The following GALNT18 variants were observed in gnomAD, a reference collection of about 807,000 sequenced individuals.
The protein encoded by GALNT18 is GalNAc-transferase 18.
GALNT18 carries 44 observed loss-of-function variants against 69.5 expected under a neutral mutation model. The observed-to-expected ratio is 0.63, with a 90% CI of 0.50 to 0.81. The LOEUF is 0.81. Ranked by LOEUF, GALNT18 falls within the 40% of genes least tolerant of loss-of-function variation. The pLI is 0.00. For synonymous variants in GALNT18, 364 were observed against 318.2 expected (o/e 1.14, Z -1.53); for missense variants, 715 against 810.0 (o/e 0.88, Z 1.42).
At chr11:11,440,775 A>G (rs1855517222) in intron 2 of GALNT18, among the ~76,000 whole-genome samples, 2 of 152,224 alleles carry the variant, frequency 1.3e-5, no homozygotes, top group South Asian at 2.1e-4. Flanking sequence ...AGACCCAGAC[A>G]ATAAAAGTGA....
At chr11:11,311,040 C>G (rs1289439577) in intron 9 of GALNT18, among the ~76,000 whole-genome samples, 1 of 152,156 alleles carries the variant, frequency 6.6e-6, no homozygotes, top group Non-Finnish European at 1.5e-5. Context: ...ACCACCTCCT[C>G]CAGAGGCCTT....
intron 1 of GALNT18, among the ~76,000 whole-genome samples, chr11:11,477,953 C>G (rs7128793): frequency 0.019 from 2,897 of 152,278 alleles, 83 homozygotes; most frequent in African/African-American, 0.062. Flanking sequence ...GAACTGATCC[C>G]TTTGGGACAT....
rs548047559 is a variant in GALNT18 at position 11,613,077 on chromosome 11, G to A, written c.235+8282C>T. On this transcript the variant is annotated intron_variant, in intron 1 of 10. Coordinates refer to ENST00000227756, the MANE Select transcript of GALNT18 (RefSeq NM_198516.3). This position sits in a 1 kb window ranked among gnomAD's most constrained non-coding sequence, Gnocchi z 4.2. ...AACCTTCCAAAAACTGAAATTGAAT[G>A]TCAGGCAGTGAAAGAGAACTACATC... 2.0e-5 allele frequency among the ~76,000 whole-genome samples: 3 copies of A among 152,300 alleles called. No individual in the cohort carries two copies. Among genetic ancestry groups the A allele is most frequent in the African/African-American group, 4.8e-5 (2 of 41,576 alleles).
chr11:11,385,406 C>T (rs1282664645), intron 3 of GALNT18, among the ~76,000 whole-genome samples: 2 of 152,024 alleles, frequency 1.3e-5, no homozygotes, highest in African/African-American at 4.8e-5. Flanking sequence ...TGCCATTCTC[C>T]TGCCTCAGCC....
At chr11:11,482,322 T>A (rs1856548994) in intron 1 of GALNT18, among the ~76,000 whole-genome samples, 1 of 152,266 alleles carries the variant, frequency 6.6e-6, no homozygotes, top group Admixed American at 6.5e-5. Context: ...GCCCTAGAGC[T>A]GTGCTCTTCA....
In GALNT18 at chr11:11,327,637, C is replaced by A. The variant is rs530004183; in HGVS notation, c.1417-456G>T. ...CCTGCAGACCCAGCAGTGGCTTGGC[C>A]AGCCCCTTGGTGGCCCACTGCTTAG... On this transcript the variant is annotated intron_variant, in intron 8 of 10. Transcript: ENST00000227756. 3.3e-5 allele frequency among the ~76,000 whole-genome samples: 5 copies of A among 152,312 alleles called. No homozygotes were observed. The East Asian group carries it at 9.7e-4, about 29-fold the overall frequency.
At chr11:11,568,517 A>G (rs1318220562) in intron 1 of GALNT18, among the ~76,000 whole-genome samples, 3 of 152,126 alleles carry the variant, frequency 2.0e-5, no homozygotes, top group Admixed American at 1.3e-4. Flanking sequence ...GGGGGGAAAA[A>G]GGTAGGTTTA....
rs1285797485 is a variant in GALNT18, at chr11:11,454,120, A to G, written c.236-5184T>C. ...CTCCCTGCCTACTAGAGATTCCCCA[A>G]ATCTTTCAGAGGGAGTAGAAAGGGG... On this transcript the variant is annotated intron_variant, in intron 1 of 10. Transcript: ENST00000227756. The surrounding 1 kb of genome is among the most constrained non-coding windows in gnomAD (Gnocchi z 4.2). Among the ~76,000 whole-genome samples the G allele has an allele frequency of 1.3e-5, 2 of 152,124 alleles. No homozygotes were observed. The highest frequency in any genetic ancestry group is 2.4e-5 in the African/African-American group (1 of 41,426).
chr11:11,323,320 T>G (rs191756934), intron 9 of GALNT18, among the ~76,000 whole-genome samples: 3 of 152,324 alleles, frequency 2.0e-5, no homozygotes, highest in Admixed American at 1.3e-4. Context: ...ATTAGATAAG[T>G]CATGTGGTTC....
At chr11:11,406,220 T>C (rs947055004) in intron 3 of GALNT18, among the ~76,000 whole-genome samples, 3 of 152,264 alleles carry the variant, frequency 2.0e-5, no homozygotes, top group Admixed American at 2.0e-4. Context: ...GGGCTAAGCA[T>C]ATAGCCTGGG....
At chr11:11,400,622 G>A (rs1854439931) in intron 3 of GALNT18, among the ~76,000 whole-genome samples, 1 of 152,138 alleles carries the variant, frequency 6.6e-6, no homozygotes, top group Admixed American at 6.5e-5. Context: ...TCTGGTGAGG[G>A]CACTCTTCCT....
intron 10 of GALNT18, among the ~76,000 whole-genome samples, chr11:11,282,254 G>A (rs1849096145): frequency 6.6e-6 from 1 of 152,038 alleles, no homozygotes; most frequent in African/African-American, 2.4e-5. Flanking sequence ...GTGCCTTCCT[G>A]GGAAGCTCAG....
At chr11:11,516,398 T>G (rs4291665) in intron 1 of GALNT18, among the ~76,000 whole-genome samples, 137,560 of 152,194 alleles carry the variant, frequency 0.9, 62,254 homozygotes, top group Non-Finnish European at 0.93. Context: ...TCAGGAGGCC[T>G]AAGTGGGAAA....
intron 10 of GALNT18, among the ~76,000 whole-genome samples, chr11:11,283,657 C>T (rs74997057): frequency 2.0e-5 from 3 of 152,140 alleles, no homozygotes; most frequent in Non-Finnish European, 4.4e-5. Flanking sequence ...CTGGGCTGGC[C>T]CCTCCCTCTG....
chr11:11,521,518 C>T (rs1032180718), intron 1 of GALNT18, among the ~76,000 whole-genome samples: 1 of 152,128 alleles, frequency 6.6e-6, no homozygotes, highest in Non-Finnish European at 1.5e-5. Context: ...CAAACAGATG[C>T]TCAGGAGGTC....
chr11:11,427,902 T>A (rs59004521), intron 3 of GALNT18, among the ~76,000 whole-genome samples: 1 of 152,046 alleles, frequency 6.6e-6, no homozygotes, highest in Middle Eastern at 3.2e-3. Context: ...CAGGGCCTGA[T>A]GTCCCCATCG....
intron 9 of GALNT18, among the ~76,000 whole-genome samples, chr11:11,323,128 T>C (rs886483942): frequency 6.6e-6 from 1 of 152,204 alleles, no homozygotes; most frequent in African/African-American, 2.4e-5. Context: ...CTTCCTCAAA[T>C]GCATGTTTTT....
Position 11,347,017 on chromosome 11 carries a change from G to C in GALNT18, c.1093-6013C>G, listed in dbSNP as rs1452114858. On this transcript the variant is annotated intron_variant, in intron 6 of 10. Coordinates refer to ENST00000227756, the MANE Select transcript of GALNT18 (RefSeq NM_198516.3). This position sits in a 1 kb window ranked among gnomAD's most constrained non-coding sequence, Gnocchi z 4.0. ...CACGAGCAAAGGCGGGCATGTAGTGGGTTCTCAGGGAGGCTCAGATCACTT... is the reference window on the plus strand; with the variant it reads ...CACGAGCAAAGGCGGGCATGTAGTGCGTTCTCAGGGAGGCTCAGATCACTT... Among the ~76,000 whole-genome samples, 1 of 152,164 alleles carries C rather than the reference G, an allele frequency of 6.6e-6. No homozygotes were observed. The highest frequency in any genetic ancestry group is 1.5e-5 in the Non-Finnish European group (1 of 68,044).
chr11:11,336,775 A>G (rs1850121614), intron 7 of GALNT18, among the ~76,000 whole-genome samples: 1 of 152,198 alleles, frequency 6.6e-6, no homozygotes, highest in Admixed American at 6.5e-5. Flanking sequence ...GTCAGACACT[A>G]TCGTAAACAC....
Sources: gnomAD v4.1 joint callset for allele counts (sites outside exome capture counted in the v4.1 genomes callset) on GRCh38, gnomAD v4.1.1 for gene constraint, Gnocchi (gnomAD v3.1) non-coding constraint, MANE v1.5 for transcripts, NCBI Gene and HGNC (gene_info 2026-07-23, HGNC 2026-07-21) for gene names.